PID1: variants seen among roughly 807,000 people sequenced by gnomAD.
The protein encoded by PID1 is phosphotyrosine interaction domain containing 1, also known as PTB-containing, cubilin and LRP1-interacting protein.
In PID1, 10 loss-of-function variants were observed where a neutral mutation model predicts 19.1. That is an observed-to-expected ratio of 0.52 (90% CI 0.32 to 0.89). PID1 has a LOEUF of 0.89. Ranked by LOEUF, PID1 falls within the 40% of genes least tolerant of loss-of-function variation. PID1 has a pLI of 0.03. For synonymous variants in PID1, 130 were observed against 116.0 expected, an observed-to-expected ratio of 1.12 and a Z score of -0.78; for missense variants, 248 against 285.3, an observed-to-expected ratio of 0.87 and a Z score of 0.94.
intron 1 of PID1, among the ~76,000 whole-genome samples, chr2:229,162,303 T>C (rs1361321116): frequency 1.3e-5 from 2 of 152,246 alleles, no homozygotes; most frequent in East Asian, 3.8e-4. Flanking sequence ...TCTGACAGTT[T>C]AGCAAGTGGC....
At chr2:229,155,502 G>C (rs997144161) in intron 2 of PID1, among the ~76,000 whole-genome samples, 2 of 151,254 alleles carry the variant, frequency 1.3e-5, no homozygotes, top group Non-Finnish European at 3.0e-5. Context: ...GAACCCAGGA[G>C]GCGGAGCTTG....
At chr2:229,163,207 T>C (rs933966650) in intron 1 of PID1, among the ~76,000 whole-genome samples, 13 of 152,206 alleles carry the variant, frequency 8.5e-5, no homozygotes, top group Middle Eastern at 3.2e-3. Flanking sequence ...AGCAGGCATA[T>C]ACAAAATTAA....
chr2:229,234,640 C>A (rs1437499479), intron 1 of PID1, among the ~76,000 whole-genome samples: 19 of 152,082 alleles, frequency 1.2e-4, no homozygotes, highest in Admixed American at 1.2e-3. Context: ...TTTATTAGAG[C>A]AGTAAGGGAA....
chr2:229,224,995 T>A (rs556947549), intron 1 of PID1, among the ~76,000 whole-genome samples: 2 of 152,302 alleles, frequency 1.3e-5, no homozygotes, highest in South Asian at 4.1e-4. Context: ...TGAGATAATG[T>A]CTCTGAAATG....
intron 1 of PID1, among the ~76,000 whole-genome samples, chr2:229,209,287 G>A (rs1185704499): frequency 6.6e-6 from 1 of 152,276 alleles, no homozygotes; most frequent in Non-Finnish European, 1.5e-5. Flanking sequence ...ATGCTGGCTG[G>A]TCACCAGAGT....
chr2:229,270,893 C>T (rs1690718837), intron 1 of PID1, 121 bp downstream of exon 1: 2 of 809,774 alleles, frequency 2.5e-6, no homozygotes, highest in Non-Finnish European at 1.9e-6. Context: ...ATGTTGCCAT[C>T]GATGCGTCTT....
At chr2:229,260,346 A>G (rs1690424417) in intron 1 of PID1, among the ~76,000 whole-genome samples, 1 of 152,036 alleles carries the variant, frequency 6.6e-6, no homozygotes, top group South Asian at 2.1e-4. Context: ...AATAAATTAT[A>G]GTCCAGCTTC....
intron 2 of PID1, among the ~76,000 whole-genome samples, chr2:229,126,398 G>A (rs1695623734): frequency 6.6e-6 from 1 of 151,802 alleles, no homozygotes; most frequent in Admixed American, 6.6e-5. Flanking sequence ...CTCCTGAGAT[G>A]TGCAACCAAC....
chr2:229,171,020 A>T lies in PID1; in HGVS notation c.31-15056T>A, dbSNP rs375983223. Among the ~76,000 whole-genome samples the T allele has an allele frequency of 2.7e-4, 41 of 152,336 alleles. No homozygotes were observed. The East Asian group carries it at 7.7e-3, about 29-fold the overall frequency. On this transcript the variant is annotated intron_variant, in intron 1 of 2. Transcript: ENST00000392055. The stretch of plus-strand genomic sequence containing the variant: ...TTCTCATTTTGTCCCAAGGGACTTC[A>T]TTCAGTCCCCAAGTATAGCCCAAGG...
At chr2:229,257,421 G>A (rs1411951677) in intron 1 of PID1, among the ~76,000 whole-genome samples, 1 of 152,046 alleles carries the variant, frequency 6.6e-6, no homozygotes, top group Non-Finnish European at 1.5e-5. Context: ...TCCTGTCCAC[G>A]TGATGTCCCT....
chr2:229,145,629 A>G (rs1690113737), intron 2 of PID1, among the ~76,000 whole-genome samples: 1 of 152,184 alleles, frequency 6.6e-6, no homozygotes, highest in Non-Finnish European at 1.5e-5. Context: ...TATTATACTC[A>G]TATTTCCCAC....
intron 1 of PID1, chr2:229,227,925 C>T (rs1368110688): frequency 6.6e-6 from 3 of 454,852 alleles, no homozygotes; most frequent in Non-Finnish European, 8.8e-6. Context: ...GGGTGTGCAT[C>T]AGTTGTATGC....
intron 1 of PID1, among the ~76,000 whole-genome samples, chr2:229,217,506 G>A (rs777487492): frequency 3.3e-5 from 5 of 152,134 alleles, no homozygotes; most frequent in Non-Finnish European, 5.9e-5. Flanking sequence ...GGGTGAGAGA[G>A]GAGCAGGTGG....
intron 2 of PID1, among the ~76,000 whole-genome samples, chr2:229,109,084 C>T (rs1415889119): frequency 6.6e-6 from 1 of 152,148 alleles, no homozygotes; most frequent in African/African-American, 2.4e-5. Context: ...AGGAAGCTCA[C>T]TAATATCGAG....
intron 2 of PID1, among the ~76,000 whole-genome samples, chr2:229,026,411 CTT>C (rs1450498053): frequency 1.3e-5 from 2 of 152,228 alleles, no homozygotes; most frequent in Non-Finnish European, 2.9e-5. Flanking sequence ...AGAGTATGAT[CTT>C]TTACATAATT....
At chr2:229,060,075 T>C (rs1265377114) in intron 2 of PID1, among the ~76,000 whole-genome samples, 1 of 152,178 alleles carries the variant, frequency 6.6e-6, no homozygotes, top group Non-Finnish European at 1.5e-5. Context: ...TCTGCAATGA[T>C]GAAATCAAGC....
intron 1 of PID1, among the ~76,000 whole-genome samples, chr2:229,177,077 A>G (rs1261907844): frequency 6.6e-6 from 1 of 152,200 alleles, no homozygotes; most frequent in African/African-American, 2.4e-5. Flanking sequence ...AGAACTTGTG[A>G]AGGGAAATTC....
At chr2:229,133,860 G>A (rs1689798898) in intron 2 of PID1, among the ~76,000 whole-genome samples, 1 of 151,618 alleles carries the variant, frequency 6.6e-6, no homozygotes, top group Non-Finnish European at 1.5e-5. Flanking sequence ...GTATACATGT[G>A]CCATGTTGGT....
chr2:229,183,562 G>T (rs1690992214), intron 1 of PID1, among the ~76,000 whole-genome samples: 1 of 152,126 alleles, frequency 6.6e-6, no homozygotes, highest in African/African-American at 2.4e-5. Context: ...AAACCAATGG[G>T]CTGACTCTCC....
Sources: gnomAD v4.1 joint callset for allele counts (sites outside exome capture counted in the v4.1 genomes callset) on GRCh38, gnomAD v4.1.1 for gene constraint, MANE v1.5 for transcripts, NCBI Gene and HGNC (gene_info 2026-07-23, HGNC 2026-07-21) for gene names.